Variants in LIMA1 observed in about 807,000 individuals in gnomAD.
LIMA1 encodes LIM domain and actin binding 1, also known as LIM domain and actin-binding protein 1.
In LIMA1, 52 loss-of-function variants were observed where a neutral mutation model predicts 62.6. That is an observed-to-expected ratio of 0.83 (90% confidence interval 0.67 to 1.05). The LOEUF (loss-of-function observed/expected upper bound fraction) is 1.05, where lower values mean the gene tolerates loss of function less well. Among genes scored for constraint, LIMA1 ranks in the 50% least tolerant of loss-of-function variants. The probability of loss-of-function intolerance (pLI) is 0.00; values close to 1 mark genes in which losing one functional copy is unlikely to be tolerated. For missense variants in LIMA1, 780 were observed against 902.2 expected, an observed-to-expected ratio of 0.86 and a Z score of 1.74; for synonymous variants, 302 against 317.8, an observed-to-expected ratio of 0.95 and a Z score of 0.53.
chr12:50,252,222 G>C (rs2138648946), intron 1 of LIMA1, among the ~76,000 whole-genome samples: 1 of 152,286 alleles, frequency 6.6e-6, no homozygotes, highest in African/African-American at 2.4e-5. Flanking sequence ...GAGGAGGAAG[G>C]AGGAGAATAG....
intron 1 of LIMA1, among the ~76,000 whole-genome samples, chr12:50,275,274 A>C (rs1942263032): frequency 6.6e-6 from 1 of 152,080 alleles, no homozygotes; most frequent in African/African-American, 2.4e-5. Flanking sequence ...GGTCTGAGGC[A>C]TGAGAATCAC....
At chr12:50,184,276 C>T (rs976661273) in intron 9 of LIMA1, among the ~76,000 whole-genome samples, 3 of 152,160 alleles carry the variant, frequency 2.0e-5, no homozygotes, top group Non-Finnish European at 4.4e-5. Flanking sequence ...CTTATATGGA[C>T]ACTGCTAAAT....
At chr12:50,180,236 G>A (rs1268778161) in intron 10 of LIMA1, among the ~76,000 whole-genome samples, 1 of 151,700 alleles carries the variant, frequency 6.6e-6, no homozygotes, top group African/African-American at 2.4e-5. Flanking sequence ...GGAGGTGGAG[G>A]TTGCAGTGAG....
intron 2 of LIMA1, among the ~76,000 whole-genome samples, chr12:50,243,938 G>A (rs919474381): frequency 7.3e-5 from 11 of 150,962 alleles, no homozygotes; most frequent in African/African-American, 1.5e-4. Flanking sequence ...TTTCTGAGAC[G>A]GAGTCTCACT....
At chr12:50,179,723 A>C (rs34145380) in intron 10 of LIMA1, among the ~76,000 whole-genome samples, 54,057 of 146,526 alleles carry the variant, frequency 0.37, 10,370 homozygotes, top group African/African-American at 0.45. Context: ...AGGCATGAGC[A>C]ACTGCACCCA....
intron 4 of LIMA1, among the ~76,000 whole-genome samples, chr12:50,215,620 C>A (rs920431437): frequency 6.6e-6 from 1 of 152,082 alleles, no homozygotes; most frequent in Non-Finnish European, 1.5e-5. Flanking sequence ...CAGGCGCCCG[C>A]CACCACGCCC....
At chr12:50,258,365 C>T (rs1005724468) in intron 1 of LIMA1, among the ~76,000 whole-genome samples, 1 of 152,110 alleles carries the variant, frequency 6.6e-6, no homozygotes, top group Non-Finnish European at 1.5e-5. Context: ...GTGGTGCAAT[C>T]ACAGCTCACT....
At chr12:50,257,571 A>G (rs1450778172) in intron 1 of LIMA1, among the ~76,000 whole-genome samples, 3 of 152,214 alleles carry the variant, frequency 2.0e-5, no homozygotes, top group Non-Finnish European at 2.9e-5. Flanking sequence ...CAGCTGACCA[A>G]TCGTTACCTC....
At position 50,239,137 on chromosome 12, in the gene LIMA1, C is replaced by A. The variant is rs148926784; in HGVS notation, c.120-7427G>T. Among the ~76,000 whole-genome samples, 112 of 152,046 alleles carry A rather than the reference C, an allele frequency of 7.4e-4. 3 individuals are homozygous for A. Among genetic ancestry groups the A allele is most frequent in the Admixed American group, 6.2e-3 (95 of 15,266 alleles). The stretch of plus-strand genomic sequence containing the variant: ...CAAAACAGACATAATATCTGCTCTC[C>A]GATGCTTACAATTTAGACACTAAAA... On this transcript the variant is annotated intron_variant, in intron 2 of 10. Transcript: ENST00000341247.
At chr12:50,192,353 G>T in intron 9 of LIMA1, 99 bp downstream of exon 9, 2 of 896,470 alleles carry the variant, frequency 2.2e-6, no homozygotes, top group Non-Finnish European at 3.7e-6. Context: ...CCACAGGAAA[G>T]CAAAACCAGG....
intron 9 of LIMA1, among the ~76,000 whole-genome samples, chr12:50,190,449 C>A (rs1382173529): frequency 6.6e-6 from 1 of 150,632 alleles, no homozygotes; most frequent in African/African-American, 2.4e-5. Flanking sequence ...TTCACCACAA[C>A]CTCTGCCTCC....
chr12:50,187,488 G>A (rs1940656734), intron 9 of LIMA1: 1 of 152,120 alleles, frequency 6.6e-6, no homozygotes, highest in South Asian at 2.1e-4. Context: ...CTAATTTTCT[G>A]TGAAACTCTA....
chr12:50,282,692 G>A (rs1942354538), intron 1 of LIMA1, among the ~76,000 whole-genome samples: 1 of 152,184 alleles, frequency 6.6e-6, no homozygotes, highest in African/African-American at 2.4e-5. Context: ...GCTGGAATTA[G>A]GTGCAAGACA....
chr12:50,177,169 TTTCTGA>T lies in LIMA1; in HGVS notation c.2169_2174del (p.Asn723_Gln724del). On this transcript the variant is annotated inframe_deletion, in exon 11 of 11. Coordinates refer to ENST00000341247, the MANE Select transcript of LIMA1 (RefSeq NM_016357.5). ...CCTCCCAGAGTTCCACATCCTGGGATTTCTGATTCTGAGTAGTGAATTCTTCAGCAA... is the reference window on the plus strand; with the variant it reads ...CCTCCCAGAGTTCCACATCCTGGGATTTCTGAGTAGTGAATTCTTCAGCAA... 4.3e-6 allele frequency: 7 copies of T among 1,614,030 alleles called. No individual in the cohort carries two copies. The highest frequency in any genetic ancestry group is 5.9e-6 in the Non-Finnish European group (7 of 1,179,952).
In LIMA1 at chr12:50,259,533, A is replaced by G. The variant is rs768037452; in HGVS notation, c.-23-10759T>C. On this transcript the variant is annotated intron_variant, in intron 1 of 10. Coordinates refer to ENST00000341247, the MANE Select transcript of LIMA1 (RefSeq NM_016357.5). ...CCCAAGACTAGTTATGAGGAAGCAT[A>G]TATTTTTCAGAACTGTGAATTACCC... Among the ~76,000 whole-genome samples, 6 of 152,338 alleles carry G rather than the reference A, an allele frequency of 3.9e-5. No homozygotes were observed. The South Asian group carries it at 1.2e-3, about 32-fold the overall frequency.
At chr12:50,280,995 C>T (rs1429372397) in intron 1 of LIMA1, among the ~76,000 whole-genome samples, 1 of 152,118 alleles carries the variant, frequency 6.6e-6, no homozygotes, top group Non-Finnish European at 1.5e-5. Flanking sequence ...AGAAAGGGTA[C>T]AATTCTAATC....
intron 9 of LIMA1, among the ~76,000 whole-genome samples, chr12:50,182,350 G>A (rs1480567692): frequency 7.0e-6 from 1 of 143,448 alleles, no homozygotes; most frequent in Non-Finnish European, 1.5e-5. Context: ...GGGGATGGGG[G>A]AAGGGGTCGG....
rs150744302 is a variant in LIMA1, at chr12:50,204,165, C to T, written c.864+387G>A. ...TCTCTCCAGTCTTCTTCTTTCTTCC[C>T]TCAAAAGCCAAAATAAGCTCTTCAG... is the stretch of plus-strand genomic sequence containing the variant. On this transcript the variant is annotated intron_variant, in intron 6 of 10. Transcript: ENST00000341247. Among the ~76,000 whole-genome samples the T allele has an allele frequency of 2.0e-5, 3 of 152,282 alleles. No homozygotes were observed. In the East Asian group the frequency reaches 5.8e-4, roughly 29 times the overall value.
At position 50,233,538 on chromosome 12, in the gene LIMA1, G is replaced by A. The variant is rs149225860; in HGVS notation, c.120-1828C>T. ...TGATGGTACTACATGGTTTTGTTTT[G>A]TTTGAGACAGAGTTTCGCTCTTGTT... On this transcript the variant is annotated intron_variant, in intron 2 of 10. Coordinates refer to ENST00000341247, the MANE Select transcript of LIMA1 (RefSeq NM_016357.5). Among the ~76,000 whole-genome samples, 807 of 152,214 alleles carry A rather than the reference G, an allele frequency of 5.3e-3. 6 individuals are homozygous for A. Among genetic ancestry groups the A allele is most frequent in the Non-Finnish European group, 9.1e-3 (616 of 68,000 alleles).
Sources: allele counts gnomAD v4.1 joint callset (sites outside exome capture counted in the v4.1 genomes callset), GRCh38; gene constraint gnomAD v4.1.1; transcripts MANE v1.5; gene names NCBI Gene and HGNC (gene_info 2026-07-23, HGNC 2026-07-21).